The following EZH2 variants were observed in gnomAD, a reference collection of about 807,000 sequenced individuals.
The protein encoded by EZH2 is histone-lysine N-methyltransferase EZH2.
In EZH2, 18 loss-of-function variants were observed where a neutral mutation model predicts 98.4. That is an observed-to-expected ratio of 0.18 (90% CI 0.13 to 0.27). The LOEUF (loss-of-function observed/expected upper bound fraction) is 0.27, where lower values mean the gene tolerates loss of function less well. Among genes scored for constraint, EZH2 ranks in the 10% least tolerant of loss-of-function variants. The probability of loss-of-function intolerance (pLI) is 1.00; values close to 1 mark genes in which losing one functional copy is unlikely to be tolerated. For missense variants in EZH2, 470 were observed against 935.1 expected (o/e 0.50, Z 6.49); for synonymous variants, 338 against 312.3 (o/e 1.08, Z -0.87).
At chr7:148,860,332 GA>G (rs11325606) in intron 1 of EZH2, among the ~76,000 whole-genome samples, 108,545 of 143,234 alleles carry the variant, frequency 0.76, 40,955 homozygotes, top group African/African-American at 0.92. Flanking sequence ...GGGCATAGAA[GA>G]AAAAAAAAAA....
chr7:148,867,584 T>C (rs1248463181), intron 1 of EZH2, among the ~76,000 whole-genome samples: 1 of 152,330 alleles, frequency 6.6e-6, no homozygotes, highest in East Asian at 1.9e-4. Context: ...TCCAGATTAA[T>C]ACCAAGGCTT....
chr7:148,877,331 G>A (rs1019622619), intron 1 of EZH2, among the ~76,000 whole-genome samples: 1 of 152,182 alleles, frequency 6.6e-6, no homozygotes, highest in Non-Finnish European at 1.5e-5. Flanking sequence ...AATTGAAATA[G>A]ATAAAACGTG....
At chr7:148,847,331 AT>A in intron 1 of EZH2, 26 bp from the exon 2 acceptor site, 2 of 1,611,742 alleles carry the variant, frequency 1.2e-6, no homozygotes, top group Non-Finnish European at 1.7e-6. Flanking sequence ...TCATATTAAA[AT>A]CACTAATCTA....
At chr7:148,836,687 G>C (rs777478176) in intron 3 of EZH2, 2 of 382,186 alleles carry the variant, frequency 5.2e-6, no homozygotes, top group South Asian at 4.2e-5. Flanking sequence ...AAGGAAGTTA[G>C]AGATGATTCA....
rs924758768 is a variant in EZH2, at chr7:148,810,896, CAA to C, written c.1948-484_1948-483del. Among the ~76,000 whole-genome samples, 54 of 43,646 alleles carry C rather than the reference CAA, an allele frequency of 1.2e-3. 1 individual carries two copies. The highest frequency in any genetic ancestry group is 8.4e-3 in the Admixed American group (36 of 4,274). The allele number at this position is 43,646 out of a possible 152,430, so 28.6% of individuals were successfully genotyped here. On this transcript the variant is annotated intron_variant, in intron 16 of 19. Coordinates refer to ENST00000320356, the MANE Select transcript of EZH2 (RefSeq NM_004456.5). Reference sequence around the variant, plus strand: ...GGGCAACAAGAGCGAAACTCTGTCTCAAAAAAAAAAAAAAAAAAAAAAAAAAT... The same window carrying C: ...GGGCAACAAGAGCGAAACTCTGTCTCAAAAAAAAAAAAAAAAAAAAAAAAT...
chr7:148,871,152 C>T (rs1055224560), intron 1 of EZH2, among the ~76,000 whole-genome samples: 1 of 152,016 alleles, frequency 6.6e-6, no homozygotes. Context: ...TAGCACCTCA[C>T]ACCCATTATG....
chr7:148,846,551 G>C lies in EZH2; in HGVS notation c.165C>G (p.Ile55Met), dbSNP rs199645805. 667 of 1,613,324 alleles carry C rather than the reference G, an allele frequency of 4.1e-4. No homozygotes were observed. Among genetic ancestry groups the C allele is most frequent in the Non-Finnish European group, 4.7e-4 (558 of 1,179,834 alleles). ...NRQKILERTE[I>M]LNQEWKQRRI... ...TTCGCTGTTTCCATTCTTGGTTTAAGATTTCCGTTCTTTCCAAAATTTTCT... is the reference window on the plus strand; with the variant it reads ...TTCGCTGTTTCCATTCTTGGTTTAACATTTCCGTTCTTTCCAAAATTTTCT... Residue 55 changes from isoleucine to methionine, a missense_variant, in exon 3 of 20, where the codon ATC becomes ATG. Around this residue, in one of 6 missense-constraint regions of EZH2, gnomAD observed 79 missense variants for 122.1 expected, o/e 0.65. Coordinates refer to ENST00000320356, the MANE Select transcript of EZH2 (RefSeq NM_004456.5).
chr7:148,808,773 AGCATGC>A (rs1294325414), intron 19 of EZH2, among the ~76,000 whole-genome samples: 1 of 152,192 alleles, frequency 6.6e-6, no homozygotes, highest in African/African-American at 2.4e-5. Flanking sequence ...TCCACGAGTG[AGCATGC>A]AGCATGCGGC....
intron 12 of EZH2, 130 bp downstream of exon 12, chr7:148,816,554 C>G: frequency 1.6e-6 from 1 of 629,822 alleles, no homozygotes; most frequent in Non-Finnish European, 2.8e-6. Flanking sequence ...TTCCATAGTT[C>G]TGTTTTTGAT....
chr7:148,857,416 T>C (rs1816989705), intron 1 of EZH2, among the ~76,000 whole-genome samples: 1 of 152,228 alleles, frequency 6.6e-6, no homozygotes, highest in African/African-American at 2.4e-5. Context: ...TACTGATTTC[T>C]TAGTTTTAAC....
chr7:148,837,751 CG>C (rs1036710900), intron 3 of EZH2, among the ~76,000 whole-genome samples: 24 of 152,010 alleles, frequency 1.6e-4, no homozygotes, highest in Admixed American at 1.6e-3. Flanking sequence ...GAAACAAAAA[CG>C]GAAGAAAAAA....
chr7:148,864,842 G>A (rs1818208723), intron 1 of EZH2, among the ~76,000 whole-genome samples: 1 of 151,832 alleles, frequency 6.6e-6, no homozygotes, highest in South Asian at 2.1e-4. Flanking sequence ...ATAGGTATCA[G>A]AGGCTGGGGC....
chr7:148,808,446 C>G (rs1281542461), intron 19 of EZH2, among the ~76,000 whole-genome samples: 1 of 152,244 alleles, frequency 6.6e-6, no homozygotes, highest in Admixed American at 6.5e-5. Flanking sequence ...AGACAGTCAT[C>G]TGACTGCACT....
chr7:148,852,331 C>T (rs1031046339), intron 1 of EZH2, among the ~76,000 whole-genome samples: 1 of 152,198 alleles, frequency 6.6e-6, no homozygotes, highest in Non-Finnish European at 1.5e-5. Context: ...CTTACTTTAT[C>T]CCACTAGAGT....
At chr7:148,881,771 T>G (rs1484078493) in intron 1 of EZH2, among the ~76,000 whole-genome samples, 9 of 151,690 alleles carry the variant, frequency 5.9e-5, no homozygotes, top group Non-Finnish European at 1.3e-4. Context: ...CTGTCTCTGC[T>G]AAAAATACAA....
intron 1 of EZH2, among the ~76,000 whole-genome samples, chr7:148,861,355 T>A (rs1364274348): frequency 6.6e-6 from 1 of 151,740 alleles, no homozygotes; most frequent in East Asian, 1.9e-4. Context: ...GCCTCCTGAG[T>A]AGCTGGGATT....
At chr7:148,862,491 C>T (rs1208659550) in intron 1 of EZH2, among the ~76,000 whole-genome samples, 2 of 152,132 alleles carry the variant, frequency 1.3e-5, no homozygotes, top group Non-Finnish European at 2.9e-5. Flanking sequence ...CAAATATGGT[C>T]AGTTGTTTTC....
chr7:148,846,558 G>T lies in EZH2; in HGVS notation c.158C>A (p.Thr53Lys). 2 of 1,612,958 alleles carry T rather than the reference G, an allele frequency of 1.2e-6. No homozygotes were observed. The highest frequency in any genetic ancestry group is 1.7e-6 in the Non-Finnish European group (2 of 1,179,678). Residue 53 changes from threonine (T) to lysine (K), a missense_variant, in exon 3 of 20, where the codon ACG becomes AAG. Transcript: ENST00000320356. ...TTTCCATTCTTGGTTTAAGATTTCCGTTCTTTCCAAAATTTTCTGACGATT... is the reference window on the plus strand; with the variant it reads ...TTTCCATTCTTGGTTTAAGATTTCCTTTCTTTCCAAAATTTTCTGACGATT... Reference protein sequence around the residue: ...SSNRQKILERTEILNQEWKQR... With the variant: ...SSNRQKILERKEILNQEWKQR...
chr7:148,815,990 A>T (rs1420605515), intron 12 of EZH2, among the ~76,000 whole-genome samples: 1 of 152,252 alleles, frequency 6.6e-6, no homozygotes, highest in Admixed American at 6.5e-5. Context: ...CTTTAAAAAA[A>T]TTCTAAATTG....
Sources: allele counts gnomAD v4.1 joint callset (sites outside exome capture counted in the v4.1 genomes callset), GRCh38; gene constraint gnomAD v4.1.1; regional missense constraint gnomAD v4.1.1; transcripts MANE v1.5; gene names NCBI Gene and HGNC (gene_info 2026-07-23, HGNC 2026-07-21).